The following PARP14 variants were observed in gnomAD, a reference collection of about 807,000 sequenced individuals.
The protein encoded by PARP14 is protein mono-ADP-ribosyltransferase PARP14.
Under a neutral mutation model 154.2 loss-of-function variants are expected in PARP14, and 59 were observed. That is an observed-to-expected ratio of 0.38 (90% CI 0.31 to 0.48). The LOEUF (loss-of-function observed/expected upper bound fraction) is 0.48. PARP14 is among the 20% of genes least tolerant of loss of function. The probability of loss-of-function intolerance (pLI) is 0.98; values close to 1 mark genes in which losing one functional copy is unlikely to be tolerated. For synonymous variants in PARP14, 720 were observed against 780.5 expected (o/e 0.92, Z 1.29); for missense variants, 1,734 against 2,131.6 (o/e 0.81, Z 3.67).
intron 7 of PARP14, among the ~76,000 whole-genome samples, chr3:122,704,196 T>C (rs1001664023): frequency 6.6e-6 from 1 of 152,226 alleles, no homozygotes; most frequent in Non-Finnish European, 1.5e-5. Flanking sequence ...TCAATAATTA[T>C]TGGAGCTCAG....
In PARP14 at chr3:122,687,608, C is replaced by T. The variant is rs77987181; in HGVS notation, c.355+495C>T. Among the ~76,000 whole-genome samples, 141 of 152,270 alleles carry T rather than the reference C, an allele frequency of 9.3e-4. 6 individuals carry two copies. In the East Asian group the frequency reaches 0.02, roughly 21 times the overall value. ...CAGGATTGGATTGGAGGATTGCAGT[C>T]CTCCCAAAGACAGCAGCTCTTCTGA... On this transcript the variant is annotated intron_variant, in intron 3 of 16. Coordinates refer to ENST00000474629, the MANE Select transcript of PARP14 (RefSeq NM_017554.3).
In PARP14 at chr3:122,680,876, A is replaced by T. The variant is rs760576537; in HGVS notation, c.-8A>T. The T allele has an allele frequency of 6.9e-5, 110 of 1,594,468 alleles. No individual in the cohort carries two copies. Among genetic ancestry groups the T allele is most frequent in the Non-Finnish European group, 1.2e-5 (14 of 1,170,924 alleles). ...GCCCCTGCAGTCCGGCGGAGAGCGG[A>T]GCTGAGGATGGCTGTGCCCGGCTCC... On this transcript the variant is annotated 5_prime_UTR_variant, in exon 1 of 17. Coordinates refer to ENST00000474629, the MANE Select transcript of PARP14 (RefSeq NM_017554.3).
intron 12 of PARP14, among the ~76,000 whole-genome samples, chr3:122,716,352 G>A (rs576325286): frequency 1.8e-4 from 27 of 152,054 alleles, no homozygotes; most frequent in African/African-American, 5.1e-4. Flanking sequence ...TACCCTCTTC[G>A]TCACTCCGAT....
At chr3:122,707,337 T>C (rs1329720546) in intron 8 of PARP14, among the ~76,000 whole-genome samples, 2 of 151,214 alleles carry the variant, frequency 1.3e-5, no homozygotes, top group East Asian at 3.9e-4. Flanking sequence ...ACCAAGATTG[T>C]GCCACTACAC....
chr3:122,730,170 C>T lies in PARP14; in HGVS notation c.*1573C>T, dbSNP rs1933391228. On this transcript the variant is annotated 3_prime_UTR_variant, in exon 17 of 17. Transcript: ENST00000474629. Reference sequence around the variant, plus strand: ...TTGCCTGAGATCACCTAGAAAGGAACCCTCAGAGCCGGCAACTGAATCTTG... The same window carrying T: ...TTGCCTGAGATCACCTAGAAAGGAATCCTCAGAGCCGGCAACTGAATCTTG... The T allele has an allele frequency of 6.6e-6, 1 of 152,188 alleles. No homozygotes were observed. The highest frequency in any genetic ancestry group is 1.5e-5 in the Non-Finnish European group (1 of 68,038). 9.4% of individuals were successfully genotyped at this position (152,188 alleles called of 1,614,324 possible).
chr3:122,692,164 C>T, intron 3 of PARP14, 137 bp from the exon 4 acceptor site: 3 of 551,612 alleles, frequency 5.4e-6, no homozygotes, highest in Non-Finnish European at 9.3e-6. Context: ...AGCAAAAAGC[C>T]ATCCAAGGTC....
chr3:122,700,459 T>A lies in PARP14; in HGVS notation c.1905T>A (p.Asn635Lys), dbSNP rs1938926031. 6.2e-7 allele frequency: 1 copy of A among 1,613,126 alleles called. No individual in the cohort carries two copies. The highest frequency in any genetic ancestry group is 8.5e-7 in the Non-Finnish European group (1 of 1,179,508). Residue 635 changes from asparagine (N) to lysine (K), a missense_variant, in exon 6 of 17, where the codon AAT becomes AAA. By Grantham distance (94) the Asn-to-Lys change is moderately conservative (BLOSUM62 0). Around this residue, in one of 2 missense-constraint regions of PARP14, gnomAD observed 1,646 missense variants for 1,976.0 expected, o/e 0.83. Transcript: ENST00000474629. ...QNSSPNTVII[N>K]ELTSETTAEV... ...CCTCCCCAAACACTGTAATCATCAA[T>A]GAGTTAACTTCAGAAACCACAGCTG...
At chr3:122,707,763 C>G (rs1234862680) in intron 8 of PARP14, among the ~76,000 whole-genome samples, 1 of 152,186 alleles carries the variant, frequency 6.6e-6, no homozygotes, top group Non-Finnish European at 1.5e-5. Context: ...ACGCCTCTAG[C>G]ATTCCAGCCT....
At chr3:122,723,245 C>T (rs115259867) in intron 15 of PARP14, among the ~76,000 whole-genome samples, 1,548 of 152,170 alleles carry the variant, frequency 0.01, 32 homozygotes, top group African/African-American at 0.035. Flanking sequence ...TGGCCACAGT[C>T]CATATTCTAA....
chr3:122,718,811 C>G lies in PARP14; in HGVS notation c.4660C>G (p.Leu1554Val). 6.2e-7 allele frequency: 1 copy of G among 1,613,748 alleles called. No homozygotes were observed. Among genetic ancestry groups the G allele is most frequent in the East Asian group, 2.2e-5 (1 of 44,884 alleles). Residue 1554 changes from leucine to valine, a missense_variant, in exon 14 of 17, where the codon CTG becomes GTG. By Grantham distance (32) the Leu-to-Val change is conservative. Coordinates refer to ENST00000474629, the MANE Select transcript of PARP14 (RefSeq NM_017554.3). ...TCATTGTTTTAACAAAATGACCAAT[C>G]TGAAATTAGAGGATGCAAGGAGAGA... ...TSHCFNKMTN[L>V]KLEDARREKK...
In PARP14 at chr3:122,729,348, G is replaced by T. The variant is rs1243860087; in HGVS notation, c.*751G>T. On this transcript the variant is annotated 3_prime_UTR_variant, in exon 17 of 17. Coordinates refer to ENST00000474629, the MANE Select transcript of PARP14 (RefSeq NM_017554.3). ...GCTGTGATGTGGCTGTGGTCTAGGG[G>T]AATCCTGCCTGCCCCATGGAGTTGC... The T allele has an allele frequency of 6.5e-6, 1 of 152,678 alleles. No homozygotes were observed. Among genetic ancestry groups the T allele is most frequent in the Non-Finnish European group, 1.5e-5 (1 of 68,564 alleles). 9.5% of individuals were successfully genotyped at this position (152,678 alleles called of 1,614,324 possible).
chr3:122,683,104 C>A (rs1429268214), intron 1 of PARP14, among the ~76,000 whole-genome samples: 2 of 152,004 alleles, frequency 1.3e-5, no homozygotes, highest in African/African-American at 4.8e-5. Flanking sequence ...CAAAAACAAA[C>A]TCGAAACCTA....
intron 12 of PARP14, among the ~76,000 whole-genome samples, chr3:122,715,203 C>T (rs992941449): frequency 2.0e-5 from 3 of 152,052 alleles, no homozygotes; most frequent in African/African-American, 7.2e-5. Context: ...TGGTCTCCTT[C>T]AGAGAGCTGG....
chr3:122,701,636 G>T lies in PARP14; in HGVS notation c.3081+1G>T, dbSNP rs1471117066. 1 of 1,573,424 alleles carries T rather than the reference G, an allele frequency of 6.4e-7. No homozygotes were observed. The highest frequency in any genetic ancestry group is 1.9e-5 in the Admixed American group (1 of 53,180). On this transcript the variant is annotated splice_donor_variant, in intron 6 of 16. Transcript: ENST00000474629. LOFTEE classifies it high-confidence loss of function. The surrounding 1 kb of genome is among the most constrained non-coding windows in gnomAD (Gnocchi z 4.0). ...GAAAGAGGGTGTGCAGAATGCTAAG[G>T]TGAGTGTCGCTTTTACAGAACACCA...
chr3:122,710,200 TGTAA>T (rs148134723), intron 9 of PARP14, among the ~76,000 whole-genome samples: 1,781 of 152,306 alleles, frequency 0.012, 25 homozygotes, highest in African/African-American at 0.04. Context: ...AGGTCTTAAA[TGTAA>T]GTCTTTGCTC....
intron 5 of PARP14, among the ~76,000 whole-genome samples, chr3:122,697,040 C>T (rs539350890): frequency 6.6e-6 from 1 of 152,294 alleles, no homozygotes; most frequent in African/African-American, 2.4e-5. Flanking sequence ...CAGCATCAGC[C>T]TCCCCAGGCT....
At chr3:122,694,583 G>A (rs1365734646) in intron 4 of PARP14, among the ~76,000 whole-genome samples, 1 of 152,122 alleles carries the variant, frequency 6.6e-6, no homozygotes, top group Non-Finnish European at 1.5e-5. Flanking sequence ...CGCCCAGGCT[G>A]GAATGCAATG....
chr3:122,700,623 A>G lies in PARP14; in HGVS notation c.2069A>G (p.Lys690Arg). ...SLVIDYLKTE[K>R]KLFWPKIKKV... ...GTTATTGACTATTTAAAGACAGAAA[A>G]GAAGCTATTCTGGCCAAAGATAAAG... The change falls in exon 6 of 17, where the codon AAG (lysine) becomes AGG (arginine). Residue 690 changes from lysine to arginine, a missense_variant. By Grantham distance (26) the Lys-to-Arg change is conservative (BLOSUM62 2). Coordinates refer to ENST00000474629, the MANE Select transcript of PARP14 (RefSeq NM_017554.3). 2 of 1,603,246 alleles carry G rather than the reference A, an allele frequency of 1.2e-6. No homozygotes were observed. The highest frequency in any genetic ancestry group is 1.7e-6 in the Non-Finnish European group (2 of 1,174,334).
intron 9 of PARP14, among the ~76,000 whole-genome samples, chr3:122,711,091 C>T (rs9832142): frequency 0.88 from 134,588 of 152,112 alleles, 59,544 homozygotes; most frequent in East Asian, 0.98. Flanking sequence ...CTTTGTCTTG[C>T]CTGATTGCTC....
Sources: allele counts gnomAD v4.1 joint callset (sites outside exome capture counted in the v4.1 genomes callset), GRCh38; gene constraint gnomAD v4.1.1; regional missense constraint gnomAD v4.1.1; non-coding constraint Gnocchi (gnomAD v3.1); transcripts MANE v1.5; gene names NCBI Gene and HGNC (gene_info 2026-07-23, HGNC 2026-07-21).